Variants in PRKG1 observed in about 807,000 individuals in gnomAD.
The protein encoded by PRKG1 is protein kinase cGMP-dependent 1.
PRKG1 carries 35 observed loss-of-function variants against 88.1 expected under a neutral mutation model. That is an observed-to-expected ratio of 0.40 (90% confidence interval 0.30 to 0.53). The LOEUF (loss-of-function observed/expected upper bound fraction) is 0.53. PRKG1 is among the 20% of genes least tolerant of loss of function. PRKG1 has a pLI of 0.59. For missense variants in PRKG1, 540 were observed against 839.8 expected (o/e 0.64, Z 4.41); for synonymous variants, 303 against 292.5 (o/e 1.04, Z -0.37).
chr10:51,812,988 T>C (rs748937360), intron 4 of PRKG1, among the ~76,000 whole-genome samples: 1 of 152,204 alleles, frequency 6.6e-6, no homozygotes, highest in African/African-American at 2.4e-5. Flanking sequence ...CAAAACTTCT[T>C]GAAACACCAC....
chr10:51,078,314 G>A (rs1264437989), intron 1 of PRKG1, among the ~76,000 whole-genome samples: 2 of 151,640 alleles, frequency 1.3e-5, no homozygotes, highest in African/African-American at 2.4e-5. Context: ...CGCCTCCAGG[G>A]TTCAAGCAAC....
At chr10:51,387,218 T>C (rs1453167652) in intron 2 of PRKG1, among the ~76,000 whole-genome samples, 1 of 151,914 alleles carries the variant, frequency 6.6e-6, no homozygotes, top group Non-Finnish European at 1.5e-5. Context: ...ATGTGGGAAC[T>C]GTGTAGTTCC....
chr10:51,075,439 G>A (rs1430713610), intron 1 of PRKG1, among the ~76,000 whole-genome samples: 7 of 152,172 alleles, frequency 4.6e-5, no homozygotes, highest in Admixed American at 4.6e-4. Flanking sequence ...TGAAACATAA[G>A]CAAATAGGCA....
chr10:51,813,520 T>A (rs1167551223), intron 4 of PRKG1, among the ~76,000 whole-genome samples: 1 of 152,160 alleles, frequency 6.6e-6, no homozygotes, highest in Non-Finnish European at 1.5e-5. Flanking sequence ...TAACTTATTC[T>A]CAACAAAAAT....
At chr10:51,115,572 G>C (rs955810278) in intron 1 of PRKG1, among the ~76,000 whole-genome samples, 11 of 151,174 alleles carry the variant, frequency 7.3e-5, no homozygotes, top group Non-Finnish European at 1.3e-4. Flanking sequence ...GGGTGTGGTG[G>C]CTCATGCCTG....
intron 2 of PRKG1, among the ~76,000 whole-genome samples, chr10:51,169,926 A>G (rs746845008): frequency 1.3e-5 from 2 of 151,824 alleles, no homozygotes; most frequent in Non-Finnish European, 2.9e-5. Flanking sequence ...TTCTGGCTCA[A>G]CTTCCTCGAA....
chr10:51,465,554 A>G (rs1395858510), intron 2 of PRKG1, among the ~76,000 whole-genome samples: 2 of 152,224 alleles, frequency 1.3e-5, no homozygotes, highest in African/African-American at 4.8e-5. Flanking sequence ...CTGAAGAAAC[A>G]TCAAATGTTG....
chr10:51,947,804 A>G (rs896583252), intron 5 of PRKG1, among the ~76,000 whole-genome samples: 2 of 152,006 alleles, frequency 1.3e-5, no homozygotes, highest in African/African-American at 4.8e-5. Flanking sequence ...AGGTCATAGC[A>G]AGATTTGGGG....
chr10:51,522,959 A>G (rs1841774026), intron 3 of PRKG1, among the ~76,000 whole-genome samples: 1 of 152,196 alleles, frequency 6.6e-6, no homozygotes, highest in East Asian at 1.9e-4. Flanking sequence ...GTCTTATTTA[A>G]GTGATCCTAT....
At chr10:51,772,615 T>G (rs957441629) in intron 3 of PRKG1, among the ~76,000 whole-genome samples, 17 of 152,014 alleles carry the variant, frequency 1.1e-4, no homozygotes, top group Non-Finnish European at 2.2e-4. Flanking sequence ...ATTTTTTTTT[T>G]GTCTGAGTTT....
In PRKG1 at chr10:51,882,831, T is replaced by C. The variant is rs540141696; in HGVS notation, c.699-24676T>C. ...CCAGTCTGCCAGACATGGTCAGATA[T>C]GTATGAGTACTGGGATCTACAATTT... On this transcript the variant is annotated intron_variant, in intron 4 of 17. Transcript: ENST00000373980. Among the ~76,000 whole-genome samples, 5 of 152,352 alleles carry C rather than the reference T, an allele frequency of 3.3e-5. No individual in the cohort carries two copies. The South Asian group carries it at 1.0e-3, about 32-fold the overall frequency.
intron 3 of PRKG1, among the ~76,000 whole-genome samples, chr10:51,550,788 A>G (rs1255841567): frequency 6.6e-6 from 1 of 151,970 alleles, no homozygotes; most frequent in Non-Finnish European, 1.5e-5. Flanking sequence ...TATATCAAGA[A>G]TTCATGGGAA....
chr10:51,874,151 T>A (rs1841232246), intron 4 of PRKG1, among the ~76,000 whole-genome samples: 1 of 152,168 alleles, frequency 6.6e-6, no homozygotes, highest in Admixed American at 6.5e-5. Flanking sequence ...TAGAGTGTAG[T>A]TTAGTGCTGC....
At position 52,115,930 on chromosome 10, in the gene PRKG1, C is replaced by A. The variant is rs189414544; in HGVS notation, c.936-17910C>A. Among the ~76,000 whole-genome samples, 29 of 151,872 alleles carry A rather than the reference C, an allele frequency of 1.9e-4. No homozygotes were observed. The East Asian group carries it at 5.4e-3, about 28-fold the overall frequency. ...CTAAATTTAGCAGACTTTATTTGAGCAAGGAAATGATTCATGAATCAGGCA... is the reference window on the plus strand; with the variant it reads ...CTAAATTTAGCAGACTTTATTTGAGAAAGGAAATGATTCATGAATCAGGCA... On this transcript the variant is annotated intron_variant, in intron 7 of 17. Transcript: ENST00000373980.
At chr10:51,324,951 G>A (rs1207882806) in intron 2 of PRKG1, among the ~76,000 whole-genome samples, 3 of 152,062 alleles carry the variant, frequency 2.0e-5, no homozygotes, top group Non-Finnish European at 4.4e-5. Flanking sequence ...TTGAGGAATC[G>A]CCATAATGTT....
chr10:51,957,112 TCTTTCTTTCCTG>T (rs1403450845), intron 5 of PRKG1, among the ~76,000 whole-genome samples: 1 of 115,470 alleles, frequency 8.7e-6, no homozygotes, highest in African/African-American at 3.9e-5. Context: ...TCTCTCTCTT[TCTTTCTTTCCTG>T]CTTTCTTTCT....
intron 1 of PRKG1, among the ~76,000 whole-genome samples, chr10:51,120,979 C>G (rs9414821): frequency 0.8 from 121,188 of 151,974 alleles, 48,880 homozygotes; most frequent in South Asian, 0.88. Flanking sequence ...GAAGCTCTAG[C>G]AAAGAATCTG....
intron 3 of PRKG1, among the ~76,000 whole-genome samples, chr10:51,513,249 A>C: frequency 6.9e-6 from 1 of 145,332 alleles, no homozygotes; most frequent in East Asian, 2.1e-4. Context: ...GAGACAAAGA[A>C]GGCCATTACA....
chr10:51,478,143 G>C (rs900635839), intron 3 of PRKG1, among the ~76,000 whole-genome samples: 1 of 152,092 alleles, frequency 6.6e-6, no homozygotes, highest in African/African-American at 2.4e-5. Context: ...TTTTGAGTCT[G>C]TGTGTACACA....
Sources: gnomAD v4.1 joint callset for allele counts (sites outside exome capture counted in the v4.1 genomes callset) on GRCh38, gnomAD v4.1.1 for gene constraint, MANE v1.5 for transcripts, NCBI Gene and HGNC (gene_info 2026-07-23, HGNC 2026-07-21) for gene names.